Variants in RIC8B observed in about 807,000 individuals in gnomAD.
RIC8B encodes the protein RIC8 guanine nucleotide exchange factor B.
RIC8B carries 16 observed loss-of-function variants against 57.5 expected under a neutral mutation model. The observed-to-expected ratio is 0.28, with a 90% CI of 0.19 to 0.42. RIC8B has a LOEUF of 0.42. RIC8B is among the 10% of genes least tolerant of loss of function. The pLI, the probability that RIC8B is intolerant of heterozygous loss-of-function variation, is 1.00. For missense variants in RIC8B, 481 were observed against 677.0 expected, an observed-to-expected ratio of 0.71 and a Z score of 3.21; for synonymous variants, 216 against 250.8, an observed-to-expected ratio of 0.86 and a Z score of 1.31.
At chr12:106,789,751 T>C (rs1251670178) in intron 2 of RIC8B, among the ~76,000 whole-genome samples, 2 of 152,144 alleles carry the variant, frequency 1.3e-5, no homozygotes, top group African/African-American at 4.8e-5. Context: ...CCAAACCATA[T>C]CACTCCCCTC....
intron 2 of RIC8B, among the ~76,000 whole-genome samples, chr12:106,813,187 C>CTTTTTT (rs35584850): frequency 9.1e-5 from 9 of 98,686 alleles, no homozygotes; most frequent in Admixed American, 1.2e-4. Flanking sequence ...AATACTATGC[C>CTTTTTT]TTTTTTTTTT....
At chr12:106,882,946 A>G (rs938562392) in intron 9 of RIC8B, among the ~76,000 whole-genome samples, 1 of 152,200 alleles carries the variant, frequency 6.6e-6, no homozygotes, top group African/African-American at 2.4e-5. Flanking sequence ...CCATAAAACT[A>G]ATATTTTTAA....
chr12:106,775,027 A>G (rs977607856), intron 1 of RIC8B, 198 bp downstream of exon 1: 2 of 568,548 alleles, frequency 3.5e-6, no homozygotes, highest in Non-Finnish European at 6.4e-6. Flanking sequence ...CCCCCACTGT[A>G]GCGCCCACTC....
intron 1 of RIC8B, among the ~76,000 whole-genome samples, chr12:106,779,633 G>GA (rs1007162589): frequency 9.8e-5 from 10 of 102,292 alleles, no homozygotes; most frequent in Admixed American, 2.0e-4. Context: ...ATGCCAAGAA[G>GA]AAAAAAAAAA....
At chr12:106,791,644 G>C (rs948443637) in intron 2 of RIC8B, among the ~76,000 whole-genome samples, 2 of 152,068 alleles carry the variant, frequency 1.3e-5, no homozygotes, top group African/African-American at 4.8e-5. Flanking sequence ...AGAGATCTCT[G>C]TAATCCACAA....
At chr12:106,883,380 T>C (rs1346464512) in intron 9 of RIC8B, among the ~76,000 whole-genome samples, 2 of 152,182 alleles carry the variant, frequency 1.3e-5, no homozygotes, top group African/African-American at 4.8e-5. Context: ...ACGTCAGTGC[T>C]AGAGAGAAGT....
rs1422420692 is a variant in RIC8B, at chr12:106,886,670, A to G, written c.*655A>G. 6.6e-6 allele frequency: 1 copy of G among 152,670 alleles called. No individual in the cohort carries two copies. Among genetic ancestry groups the G allele is most frequent in the Admixed American group, 6.5e-5 (1 of 15,286 alleles). 9.5% of individuals were successfully genotyped at this position (152,670 alleles called of 1,614,324 possible). ...AGTTATAAATGATGGTTTAGTTCTC[A>G]GGCAGCTACAAATGCCTATTTATTC... On this transcript the variant is annotated 3_prime_UTR_variant, in exon 10 of 10. Coordinates refer to ENST00000392837, the MANE Select transcript of RIC8B (RefSeq NM_001330145.2).
At chr12:106,875,292 AGAGATG>A (rs1253773482) in intron 9 of RIC8B, among the ~76,000 whole-genome samples, 2 of 152,192 alleles carry the variant, frequency 1.3e-5, no homozygotes, top group Non-Finnish European at 2.9e-5. Context: ...ATGTGAGGGC[AGAGATG>A]GAAAAGCGGA....
At chr12:106,847,924 CAA>C (rs1464969504) in intron 6 of RIC8B, among the ~76,000 whole-genome samples, 4 of 152,060 alleles carry the variant, frequency 2.6e-5, no homozygotes, top group Non-Finnish European at 5.9e-5. Context: ...AAGCAGTAAA[CAA>C]AACAAAGAAA....
chr12:106,804,693 C>A (rs2044923391), intron 2 of RIC8B, among the ~76,000 whole-genome samples: 1 of 152,216 alleles, frequency 6.6e-6, no homozygotes, highest in Non-Finnish European at 1.5e-5. Context: ...ACATATTTGA[C>A]AGCATCTTTG....
intron 7 of RIC8B, among the ~76,000 whole-genome samples, chr12:106,857,528 A>AAT (rs532584409): frequency 6.8e-4 from 104 of 152,268 alleles, no homozygotes; most frequent in African/African-American, 2.4e-3. Context: ...ATAGTGGTGA[A>AAT]ATATTTCTCG....
chr12:106,781,125 C>CT (rs201883661), intron 1 of RIC8B, among the ~76,000 whole-genome samples: 8 of 151,490 alleles, frequency 5.3e-5, no homozygotes, highest in African/African-American at 1.5e-4. Flanking sequence ...TGGTTTAACT[C>CT]TTTTTTTTTA....
intron 2 of RIC8B, among the ~76,000 whole-genome samples, chr12:106,793,198 G>A (rs1298524171): frequency 6.6e-6 from 1 of 152,162 alleles, no homozygotes; most frequent in Non-Finnish European, 1.5e-5. Context: ...GAGATCAAGG[G>A]TTGCTGTACC....
intron 9 of RIC8B, among the ~76,000 whole-genome samples, chr12:106,873,658 T>C (rs1165214751): frequency 4.6e-5 from 7 of 152,192 alleles, no homozygotes; most frequent in African/African-American, 1.4e-4. Context: ...TGACAGTCTC[T>C]GCCTTTGGAA....
At chr12:106,847,668 TAGAA>T (rs756959961) in intron 6 of RIC8B, among the ~76,000 whole-genome samples, 9 of 152,114 alleles carry the variant, frequency 5.9e-5, no homozygotes, top group African/African-American at 1.9e-4. Flanking sequence ...ATACTTGACA[TAGAA>T]AGAGAGAGAG....
rs1161325783 is a variant in RIC8B, at chr12:106,888,935, CCTT to C, written c.*2924_*2926del. On this transcript the variant is annotated 3_prime_UTR_variant, in exon 10 of 10. Transcript: ENST00000392837. Reference sequence around the variant, plus strand: ...GGCAGGCAGGGCAGGTGTTATTATCCCTTCTTTATAAATGAGGACACAGAATGA... The same window carrying C: ...GGCAGGCAGGGCAGGTGTTATTATCCCTTTATAAATGAGGACACAGAATGA... 6.6e-6 allele frequency: 1 copy of C among 152,078 alleles called. No individual in the cohort carries two copies. Among genetic ancestry groups the C allele is most frequent in the African/African-American group, 2.4e-5 (1 of 41,426 alleles). The allele number at this position is 152,078 out of a possible 1,614,324, so 9.4% of individuals were successfully genotyped here.
At chr12:106,787,586 T>G (rs1208618593) in intron 2 of RIC8B, among the ~76,000 whole-genome samples, 2 of 152,108 alleles carry the variant, frequency 1.3e-5, no homozygotes, top group African/African-American at 4.8e-5. Flanking sequence ...TGCACGTGGC[T>G]GGGGAGGCCT....
intron 3 of RIC8B, among the ~76,000 whole-genome samples, chr12:106,818,662 T>C (rs1057312404): frequency 6.6e-6 from 1 of 152,218 alleles, no homozygotes; most frequent in African/African-American, 2.4e-5. Context: ...TTGTTCAGGC[T>C]GGTCTTGAAC....
intron 7 of RIC8B, among the ~76,000 whole-genome samples, chr12:106,853,571 C>T (rs572984261): frequency 2.1e-5 from 3 of 144,984 alleles, no homozygotes; most frequent in South Asian, 4.4e-4. Flanking sequence ...CAGGTTGAAG[C>T]GATTCTCCTG....
Sources: allele counts gnomAD v4.1 joint callset (sites outside exome capture counted in the v4.1 genomes callset), GRCh38; gene constraint gnomAD v4.1.1; transcripts MANE v1.5; gene names NCBI Gene and HGNC (gene_info 2026-07-23, HGNC 2026-07-21).